The following STK10 variants were observed in gnomAD, a reference collection of about 807,000 sequenced individuals.
The protein encoded by STK10 is serine/threonine-protein kinase 10.
A neutral mutation model predicts 113.8 loss-of-function variants in STK10; 78 were observed. The observed-to-expected ratio is 0.69, with a 90% CI of 0.57 to 0.83. STK10 has a LOEUF of 0.83. STK10 is among the 40% of genes least tolerant of loss of function. The pLI is 0.00. For missense variants in STK10, 1,109 were observed against 1,280.1 expected, an observed-to-expected ratio of 0.87 and a Z score of 2.04; for synonymous variants, 465 against 494.7, an observed-to-expected ratio of 0.94 and a Z score of 0.80.
chr5:172,149,277 C>T (rs1770154286), intron 2 of STK10, among the ~76,000 whole-genome samples: 1 of 152,238 alleles, frequency 6.6e-6, no homozygotes, highest in Non-Finnish European at 1.5e-5. Flanking sequence ...GCCAACTATC[C>T]ACATCATCAT....
At chr5:172,107,296 G>C (rs1273529914) in intron 5 of STK10, among the ~76,000 whole-genome samples, 1 of 152,222 alleles carries the variant, frequency 6.6e-6, no homozygotes, top group Non-Finnish European at 1.5e-5. Context: ...ACAGAGAGTA[G>C]TCAGGCGTGA....
chr5:172,137,363 A>G (rs1769884618), intron 2 of STK10, among the ~76,000 whole-genome samples: 1 of 152,184 alleles, frequency 6.6e-6, no homozygotes, highest in African/African-American at 2.4e-5. Flanking sequence ...CACCATGATC[A>G]AGTGGGATTT....
chr5:172,088,520 T>C (rs1015788878), intron 10 of STK10, among the ~76,000 whole-genome samples: 17 of 152,094 alleles, frequency 1.1e-4, no homozygotes, highest in African/African-American at 3.9e-4. Context: ...CGAGACTCCA[T>C]CTCAAAAAAT....
At chr5:172,185,940 A>T (rs1255618487) in intron 1 of STK10, among the ~76,000 whole-genome samples, 6 of 152,158 alleles carry the variant, frequency 3.9e-5, no homozygotes, top group African/African-American at 1.4e-4. Context: ...CTACCCCATA[A>T]CAGGAAGTGT....
chr5:172,111,919 A>G (rs1769245776), intron 4 of STK10, among the ~76,000 whole-genome samples: 1 of 152,246 alleles, frequency 6.6e-6, no homozygotes, highest in Non-Finnish European at 1.5e-5. Context: ...CTTGTTTGCC[A>G]GCAATTCTAT....
chr5:172,119,661 G>A (rs540646211), intron 3 of STK10, among the ~76,000 whole-genome samples: 14 of 151,806 alleles, frequency 9.2e-5, no homozygotes, highest in South Asian at 8.4e-4. Flanking sequence ...TCAGGAGATC[G>A]AGACCATCCT....
chr5:172,122,984 A>G (rs150265761), intron 3 of STK10, among the ~76,000 whole-genome samples: 3 of 152,312 alleles, frequency 2.0e-5, no homozygotes, highest in East Asian at 1.9e-4. Flanking sequence ...CAATCAGAAC[A>G]GGCCCTGGAT....
chr5:172,070,064 A>C (rs1421571474), intron 12 of STK10, among the ~76,000 whole-genome samples: 3 of 152,154 alleles, frequency 2.0e-5, no homozygotes, highest in African/African-American at 7.2e-5. Flanking sequence ...CCTGGCCAAC[A>C]TGGTGAAACC....
chr5:172,073,354 G>A (rs1257641498), intron 12 of STK10, among the ~76,000 whole-genome samples: 1 of 152,130 alleles, frequency 6.6e-6, no homozygotes, highest in Non-Finnish European at 1.5e-5. Context: ...GTTTCACCAT[G>A]TTGACCAGGC....
chr5:172,138,575 A>G (rs112723922), intron 2 of STK10, among the ~76,000 whole-genome samples: 2,988 of 152,306 alleles, frequency 0.02, 92 homozygotes, highest in African/African-American at 0.068. Context: ...ACAATGAATA[A>G]ACAAAAAATT....
At chr5:172,107,584 T>G (rs1023547716) in intron 5 of STK10, among the ~76,000 whole-genome samples, 196 bp downstream of exon 5, 1 of 152,250 alleles carries the variant, frequency 6.6e-6, no homozygotes, top group African/African-American at 2.4e-5. Context: ...GGGGCCATTA[T>G]ATCCCTAATT....
At chr5:172,131,263 T>A (rs529959458) in intron 2 of STK10, among the ~76,000 whole-genome samples, 14 of 152,258 alleles carry the variant, frequency 9.2e-5, no homozygotes, top group Admixed American at 7.2e-4. Context: ...CTCGATCTCC[T>A]GACCTCGCGA....
chr5:172,049,326 G>A (rs569414784), intron 18 of STK10, among the ~76,000 whole-genome samples: 21 of 152,228 alleles, frequency 1.4e-4, no homozygotes, highest in East Asian at 1.2e-3. Context: ...GGGCAAGGAC[G>A]GGGAGCCCAG....
Position 172,144,849 on chromosome 5 carries a change from C to T in STK10, c.321+11775G>A, listed in dbSNP as rs117173063. 4.3e-4 allele frequency among the ~76,000 whole-genome samples: 66 copies of T among 152,152 alleles called. 1 individual carries two copies. In the East Asian group the frequency reaches 0.01, roughly 24 times the overall value. ...GAACATCTAAGGGATGACTTAGATA[C>T]CCCCCACCCCCTTTTACAGATGAGG... On this transcript the variant is annotated intron_variant, in intron 2 of 18. Coordinates refer to ENST00000176763, the MANE Select transcript of STK10 (RefSeq NM_005990.4).
chr5:172,129,163 G>A (rs1021009712), intron 2 of STK10, among the ~76,000 whole-genome samples: 1 of 152,210 alleles, frequency 6.6e-6, no homozygotes, highest in Non-Finnish European at 1.5e-5. Flanking sequence ...TACACTAGGG[G>A]TATAAGCCGG....
chr5:172,089,707 T>C (rs1018505811), intron 10 of STK10, among the ~76,000 whole-genome samples: 3 of 151,704 alleles, frequency 2.0e-5, no homozygotes, highest in Admixed American at 6.6e-5. Flanking sequence ...GTTAGGTGGA[T>C]AGATGGAAGG....
chr5:172,101,815 C>T (rs745406676), intron 7 of STK10, among the ~76,000 whole-genome samples: 15 of 152,114 alleles, frequency 9.9e-5, no homozygotes, highest in Non-Finnish European at 2.2e-4. Context: ...CAGAGGGATC[C>T]GGAGGAAGGC....
intron 10 of STK10, among the ~76,000 whole-genome samples, chr5:172,089,478 G>A (rs1451924218): frequency 1.5e-5 from 2 of 129,742 alleles, no homozygotes; most frequent in African/African-American, 3.6e-5. Flanking sequence ...GGCTGAATGG[G>A]TAGATGAGTG....
intron 18 of STK10, among the ~76,000 whole-genome samples, chr5:172,051,588 G>GCACTC (rs1554115093): frequency 6.6e-6 from 1 of 152,118 alleles, no homozygotes; most frequent in Non-Finnish European, 1.5e-5. Flanking sequence ...TGGCACCACC[G>GCACTC]CACTCCAGCC....
Sources: allele counts gnomAD v4.1 joint callset (sites outside exome capture counted in the v4.1 genomes callset), GRCh38; gene constraint gnomAD v4.1.1; transcripts MANE v1.5; gene names NCBI Gene and HGNC (gene_info 2026-07-23, HGNC 2026-07-21).